The following VWDE variants were observed in gnomAD, a reference collection of about 807,000 sequenced individuals.
VWDE encodes von Willebrand factor D and EGF domains.
A neutral mutation model predicts 178.4 loss-of-function variants in VWDE; 207 were observed. The ratio of observed to expected loss-of-function variants is 1.16; its 90% CI spans 1.04 to 1.30. The LOEUF is 1.30. Among genes scored for constraint, VWDE ranks in the 50% most tolerant of loss-of-function variants. The probability of loss-of-function intolerance (pLI) is 0.00; values close to 1 mark genes in which losing one functional copy is unlikely to be tolerated. For synonymous variants in VWDE, 738 were observed against 651.4 expected (o/e 1.13, Z -2.02); for missense variants, 2,287 against 1,901.3 (o/e 1.20, Z -3.77).
rs1469545877 is a variant in VWDE, at chr7:12,389,105, T to G, written c.475+22A>C. 5 of 1,432,904 alleles carry G rather than the reference T, an allele frequency of 3.5e-6. No homozygotes were observed. In the Admixed American group the frequency reaches 7.9e-5, roughly 23 times the overall value. The allele number at this position is 1,432,904 out of a possible 1,614,324, so 88.8% of individuals were successfully genotyped here. Reference sequence around the variant, plus strand: ...CAGAGTTCCATGAATAACAGTCATGTGAATTACTGGTGTTTTCTTACCTTC... The same window carrying G: ...CAGAGTTCCATGAATAACAGTCATGGGAATTACTGGTGTTTTCTTACCTTC... On this transcript the variant is annotated intron_variant, in intron 3 of 28. Coordinates refer to ENST00000275358, the MANE Select transcript of VWDE (RefSeq NM_001135924.3).
At chr7:12,336,114 A>G (rs1220495151) in intron 27 of VWDE, 27 bp downstream of exon 27, 1 of 1,527,962 alleles carries the variant, frequency 6.5e-7, no homozygotes, top group Non-Finnish European at 8.9e-7. Context: ...CAGAACATAT[A>G]GTAGGAAAAA....
In VWDE at chr7:12,359,119, T is replaced by C. The variant is rs1033673448; in HGVS notation, c.3274+459A>G. ...TATTTATGAAAGTGAGGAAGTTATA[T>C]GGTACATGACTATAATTTGGGGTAT... On this transcript the variant is annotated intron_variant, in intron 16 of 28. Transcript: ENST00000275358. 5.3e-5 allele frequency among the ~76,000 whole-genome samples: 8 copies of C among 152,334 alleles called. No homozygotes were observed. In the East Asian group the frequency reaches 7.7e-4, roughly 15 times the overall value.
At chr7:12,336,768 G>GA (rs1287112668) in intron 26 of VWDE, among the ~76,000 whole-genome samples, 1 of 152,044 alleles carries the variant, frequency 6.6e-6, no homozygotes, top group Non-Finnish European at 1.5e-5. Context: ...TAGAAAAACT[G>GA]AAAAATACAA....
Position 12,357,307 on chromosome 7 carries a change from G to A in VWDE, c.3483C>T (p.Arg1161=). 1.3e-6 allele frequency: 2 copies of A among 1,552,216 alleles called. No homozygotes were observed. Among genetic ancestry groups the A allele is most frequent in the African/African-American group, 1.4e-5 (1 of 73,140 alleles). The change falls in exon 17 of 29, where the codon CGC becomes CGT. Residue 1161 remains arginine, a synonymous_variant. Coordinates refer to ENST00000275358, the MANE Select transcript of VWDE (RefSeq NM_001135924.3). ...TTTCAGCATCGCAGTCATCATTAAGGCGTACAGTAATTTGTTGGGTAGTTA... is the reference window on the plus strand; with the variant it reads ...TTTCAGCATCGCAGTCATCATTAAGACGTACAGTAATTTGTTGGGTAGTTA... ...DLLTTQQITV[R]LNDDCDAETR...
chr7:12,352,299 C>A (rs1781986105), intron 18 of VWDE, among the ~76,000 whole-genome samples: 1 of 152,146 alleles, frequency 6.6e-6, no homozygotes, highest in African/African-American at 2.4e-5. Flanking sequence ...GCTATTGATT[C>A]TTATGTGCCC....
chr7:12,347,822 T>G (rs892466584), intron 19 of VWDE, among the ~76,000 whole-genome samples: 1 of 151,964 alleles, frequency 6.6e-6, no homozygotes, highest in Non-Finnish European at 1.5e-5. Flanking sequence ...GACTTCAAAC[T>G]ATACTACAAG....
chr7:12,335,829 T>C (rs1240607375), intron 27 of VWDE, among the ~76,000 whole-genome samples: 2 of 152,202 alleles, frequency 1.3e-5, no homozygotes, highest in Non-Finnish European at 1.5e-5. Flanking sequence ...TCTTATAATA[T>C]GAAATAATAT....
In VWDE at chr7:12,377,119, T is replaced by C. The variant is rs12671570; in HGVS notation, c.1024+657A>G. 1.8e-4 allele frequency among the ~76,000 whole-genome samples: 28 copies of C among 152,214 alleles called. No individual in the cohort carries two copies. The East Asian group carries it at 5.0e-3, about 27-fold the overall frequency. On this transcript the variant is annotated intron_variant, in intron 7 of 28. Coordinates refer to ENST00000275358, the MANE Select transcript of VWDE (RefSeq NM_001135924.3). ...TTTGATCTCTACATCAGGGGCTCAG[T>C]GGGAAAAAGAACATAATCAAGCCAA...
chr7:12,362,474 A>C (rs941375654), intron 13 of VWDE, among the ~76,000 whole-genome samples: 2 of 152,102 alleles, frequency 1.3e-5, no homozygotes, highest in African/African-American at 4.8e-5. Context: ...CACTTTTAGT[A>C]TTGTTTTTCA....
At chr7:12,350,074 T>C (rs1781844725) in intron 19 of VWDE, among the ~76,000 whole-genome samples, 1 of 151,796 alleles carries the variant, frequency 6.6e-6, no homozygotes, top group South Asian at 2.1e-4. Context: ...AAGGAAAGGG[T>C]ATTTTCAAAA....
At chr7:12,349,266 A>G (rs1033537148) in intron 19 of VWDE, among the ~76,000 whole-genome samples, 1 of 111,996 alleles carries the variant, frequency 8.9e-6, no homozygotes, top group African/African-American at 3.9e-5. Flanking sequence ...AATAAAATAT[A>G]TGATATTTAA....
At chr7:12,335,757 G>A (rs529692675) in intron 27 of VWDE, among the ~76,000 whole-genome samples, 14 of 152,214 alleles carry the variant, frequency 9.2e-5, no homozygotes, top group Admixed American at 7.8e-4. Context: ...ACCCGGCCTA[G>A]AGTGATTAAT....
At chr7:12,340,108 A>T (rs77563051) in intron 24 of VWDE, among the ~76,000 whole-genome samples, 3,907 of 152,246 alleles carry the variant, frequency 0.026, 173 homozygotes, top group African/African-American at 0.082. Flanking sequence ...CCAAGGTATG[A>T]GCTTCAATAT....
At chr7:12,367,955 G>A (rs1782953791) in intron 12 of VWDE, among the ~76,000 whole-genome samples, 1 of 151,968 alleles carries the variant, frequency 6.6e-6, no homozygotes, top group Non-Finnish European at 1.5e-5. Flanking sequence ...ATGGGTATAT[G>A]CAGTGTGTAA....
intron 16 of VWDE, among the ~76,000 whole-genome samples, chr7:12,358,132 T>C (rs570268106): frequency 6.6e-6 from 1 of 152,270 alleles, no homozygotes; most frequent in Admixed American, 6.5e-5. Context: ...ATCCCAGTAC[T>C]TTGGGAAGCC....
intron 15 of VWDE, among the ~76,000 whole-genome samples, chr7:12,360,593 G>T (rs1782524131): frequency 6.6e-6 from 1 of 152,066 alleles, no homozygotes; most frequent in African/African-American, 2.4e-5. Flanking sequence ...TAAGTCAGCA[G>T]TTCACATGTG....
intron 4 of VWDE, among the ~76,000 whole-genome samples, chr7:12,381,311 T>C (rs958181121): frequency 6.6e-6 from 1 of 152,180 alleles, no homozygotes; most frequent in African/African-American, 2.4e-5. Context: ...TATATCATTT[T>C]GAACTCTGGG....
rs1229808950 is a variant in VWDE at position 12,383,526 on chromosome 7, T to C, written c.541+10A>G. The C allele has an allele frequency of 5.8e-6, 9 of 1,549,178 alleles. No homozygotes were observed. The highest frequency in any genetic ancestry group is 1.2e-5 in the South Asian group (1 of 83,984). On this transcript the variant is annotated intron_variant, in intron 4 of 28. Coordinates refer to ENST00000275358, the MANE Select transcript of VWDE (RefSeq NM_001135924.3). ...AAAACACTATTAAAAAAGCAAAATA[T>C]GATACTTACGAACACAATCACCTCC...
At position 12,374,907 on chromosome 7, in the gene VWDE, T is replaced by A. The variant is rs1783428805; in HGVS notation, c.1242+103A>T. ...AAAATTGAATCATTTAAAAACTAAT[T>A]TACCAAAAAATTTTTTACATAAAAA... On this transcript the variant is annotated intron_variant, in intron 8 of 28. Coordinates refer to ENST00000275358, the MANE Select transcript of VWDE (RefSeq NM_001135924.3). 23 of 1,267,728 alleles carry A rather than the reference T, an allele frequency of 1.8e-5. 1 individual carries two copies. The highest frequency in any genetic ancestry group is 5.4e-4 in the Middle Eastern group (2 of 3,674). 78.5% of individuals were successfully genotyped at this position (1,267,728 alleles called of 1,614,324 possible).
Sources: allele counts gnomAD v4.1 joint callset (sites outside exome capture counted in the v4.1 genomes callset), GRCh38; gene constraint gnomAD v4.1.1; transcripts MANE v1.5; gene names NCBI Gene and HGNC (gene_info 2026-07-23, HGNC 2026-07-21).